The following LPAR3 variants were observed in gnomAD, a reference collection of about 807,000 sequenced individuals.
LPAR3 encodes the protein LPA receptor 3.
LPAR3 carries 7 observed loss-of-function variants against 17.8 expected under a neutral mutation model. The ratio of observed to expected loss-of-function variants is 0.39; its 90% CI spans 0.22 to 0.74. The LOEUF (loss-of-function observed/expected upper bound fraction) is 0.74. Among genes scored for constraint, LPAR3 ranks in the 30% least tolerant of loss-of-function variants. The pLI is 0.40. For missense variants in LPAR3, 391 were observed against 453.4 expected, an observed-to-expected ratio of 0.86 and a Z score of 1.25; for synonymous variants, 179 against 179.9, an observed-to-expected ratio of 0.99 and a Z score of 0.04.
At chr1:84,892,076 G>A (rs1660562286) in intron 1 of LPAR3, among the ~76,000 whole-genome samples, 1 of 151,994 alleles carries the variant, frequency 6.6e-6, no homozygotes, top group African/African-American at 2.4e-5. Flanking sequence ...AGCCTAGCGT[G>A]GTGGTGGGCG....
At chr1:84,837,581 T>C (rs1377572338) in intron 2 of LPAR3, among the ~76,000 whole-genome samples, 1 of 152,168 alleles carries the variant, frequency 6.6e-6, no homozygotes. Flanking sequence ...AACATGGAAA[T>C]ACAGTGCATT....
intron 2 of LPAR3, among the ~76,000 whole-genome samples, chr1:84,855,325 C>T (rs570937918): frequency 1.1e-4 from 16 of 152,274 alleles, no homozygotes; most frequent in South Asian, 1.0e-3. Flanking sequence ...AGTGATATGA[C>T]GCCTGAGTCA....
intron 2 of LPAR3, among the ~76,000 whole-genome samples, chr1:84,838,307 T>G: frequency 6.6e-6 from 1 of 152,152 alleles, no homozygotes; most frequent in Admixed American, 6.5e-5. Flanking sequence ...GGTGGATTCT[T>G]TCACAGATCA....
At chr1:84,887,214 CAA>C (rs554500915) in intron 1 of LPAR3, among the ~76,000 whole-genome samples, 1 of 137,376 alleles carries the variant, frequency 7.3e-6, no homozygotes. Flanking sequence ...ACAAAAAATA[CAA>C]AAAAAAAAAA....
intron 2 of LPAR3, among the ~76,000 whole-genome samples, chr1:84,822,060 A>G (rs1441115445): frequency 6.6e-6 from 1 of 152,188 alleles, no homozygotes; most frequent in African/African-American, 2.4e-5. Context: ...ACTGAGGCAA[A>G]TGTCCTTCTA....
At chr1:84,877,935 A>T (rs558055068) in intron 1 of LPAR3, among the ~76,000 whole-genome samples, 23 of 152,242 alleles carry the variant, frequency 1.5e-4, no homozygotes, top group African/African-American at 5.1e-4. Flanking sequence ...TTAGTTGGTT[A>T]TAAGGGGATT....
At chr1:84,845,151 G>C (rs999683475) in intron 2 of LPAR3, among the ~76,000 whole-genome samples, 5 of 152,132 alleles carry the variant, frequency 3.3e-5, no homozygotes, top group African/African-American at 1.2e-4. Context: ...GGCTAAAAGT[G>C]CTTTTCCTTC....
chr1:84,886,106 T>C (rs1237262962), intron 1 of LPAR3, among the ~76,000 whole-genome samples: 1 of 152,208 alleles, frequency 6.6e-6, no homozygotes, highest in Non-Finnish European at 1.5e-5. Context: ...CTAAATACAA[T>C]TCTCATATTG....
At chr1:84,874,205 ATACT>A (rs111578426) in intron 1 of LPAR3, among the ~76,000 whole-genome samples, 337 of 152,282 alleles carry the variant, frequency 2.2e-3, no homozygotes, top group African/African-American at 7.1e-3. Context: ...GCTTGGGAAA[ATACT>A]TAATACAAAC....
rs1318383973 is a variant in LPAR3, at chr1:84,813,187, G to T, written c.*659C>A. Reference sequence around the variant, plus strand: ...CACACACACACACACACACACACATGCATATACACACACATGCATGGAGGA... The same window carrying T: ...CACACACACACACACACACACACATTCATATACACACACATGCATGGAGGA... On this transcript the variant is annotated 3_prime_UTR_variant, in exon 3 of 3. Coordinates refer to ENST00000370611, the MANE Select transcript of LPAR3 (RefSeq NM_012152.3). 1.5e-5 allele frequency: 1 copy of T among 66,128 alleles called. No homozygotes were observed. Among genetic ancestry groups the T allele is most frequent in the Non-Finnish European group, 3.1e-5 (1 of 32,616 alleles). 4.1% of individuals were successfully genotyped at this position (66,128 alleles called of 1,614,324 possible). A position where few individuals can be genotyped will look rare whatever the true frequency, so the allele number is the denominator to read the frequency against.
At chr1:84,814,320 G>C in intron 2 of LPAR3, 149 bp from the exon 3 acceptor site, 4 of 635,808 alleles carry the variant, frequency 6.3e-6, no homozygotes, top group Non-Finnish European at 1.1e-5. Context: ...TACCATCTGA[G>C]CATTTGAGAC....
intron 1 of LPAR3, among the ~76,000 whole-genome samples, chr1:84,890,045 T>G (rs923831180): frequency 6.6e-6 from 1 of 152,198 alleles, no homozygotes; most frequent in Admixed American, 6.5e-5. Flanking sequence ...CCACCGTTTG[T>G]AAAAGCACAA....
chr1:84,863,692 C>A (rs1208015196), intron 2 of LPAR3, among the ~76,000 whole-genome samples: 1 of 152,196 alleles, frequency 6.6e-6, no homozygotes, highest in Non-Finnish European at 1.5e-5. Flanking sequence ...CCAGCCCAGA[C>A]CTAAATCTTG....
At chr1:84,833,506 C>A (rs1412879255) in intron 2 of LPAR3, among the ~76,000 whole-genome samples, 1 of 152,120 alleles carries the variant, frequency 6.6e-6, no homozygotes, top group Non-Finnish European at 1.5e-5. Flanking sequence ...CCGTCATGAT[C>A]ATTAGCTTGC....
intron 2 of LPAR3, among the ~76,000 whole-genome samples, chr1:84,853,770 T>C (rs1488057778): frequency 6.6e-6 from 1 of 152,138 alleles, no homozygotes; most frequent in African/African-American, 2.4e-5. Context: ...CCACCTCTCA[T>C]CTTTCTAAAA....
intron 2 of LPAR3, among the ~76,000 whole-genome samples, chr1:84,847,951 A>C (rs960189923): frequency 2.0e-5 from 3 of 152,164 alleles, no homozygotes; most frequent in Non-Finnish European, 2.9e-5. Context: ...GCTCCTGGGC[A>C]CTATTCTAGG....
Position 84,851,694 on chromosome 1 carries a change from G to A in LPAR3, c.736+13691C>T, listed in dbSNP as rs373206124. On this transcript the variant is annotated intron_variant, in intron 2 of 2. Transcript: ENST00000370611. ...AGTTTGCCATGCTACAGAAAACTTC[G>A]AGGAGCCTCAGGCAGTCACTGCACA... is the stretch of plus-strand genomic sequence containing the variant. Among the ~76,000 whole-genome samples, 5 of 152,286 alleles carry A rather than the reference G, an allele frequency of 3.3e-5. No homozygotes were observed. The East Asian group carries it at 5.8e-4, about 18-fold the overall frequency.
intron 1 of LPAR3, among the ~76,000 whole-genome samples, chr1:84,877,974 A>AATACC (rs1275781240): frequency 1.3e-5 from 2 of 152,132 alleles, no homozygotes; most frequent in African/African-American, 4.8e-5. Flanking sequence ...TGTGTTGAAC[A>AATACC]ATGTTAGGAT....
chr1:84,850,464 G>GTACTCC (rs1173847362), intron 2 of LPAR3, among the ~76,000 whole-genome samples: 2 of 151,468 alleles, frequency 1.3e-5, no homozygotes, highest in African/African-American at 4.9e-5. Flanking sequence ...GTGTGCGCCT[G>GTACTCC]TACTCCCATC....
Sources: allele counts gnomAD v4.1 joint callset (sites outside exome capture counted in the v4.1 genomes callset), GRCh38; gene constraint gnomAD v4.1.1; transcripts MANE v1.5; gene names NCBI Gene and HGNC (gene_info 2026-07-23, HGNC 2026-07-21).